The following SLC13A1 variants were observed in gnomAD, a reference collection of about 807,000 sequenced individuals.
SLC13A1 encodes the protein solute carrier family 13 member 1.
A neutral mutation model predicts 70.0 loss-of-function variants in SLC13A1; 65 were observed. The observed-to-expected ratio is 0.93, with a 90% CI of 0.76 to 1.14. SLC13A1 has a LOEUF of 1.14. Ranked by LOEUF, SLC13A1 falls within the 50% of genes most tolerant of loss-of-function variation. The pLI is 0.00. For missense variants in SLC13A1, 726 were observed against 717.8 expected, an observed-to-expected ratio of 1.01 and a Z score of -0.13; for synonymous variants, 275 against 250.5, an observed-to-expected ratio of 1.10 and a Z score of -0.92.
At chr7:123,192,136 T>C (rs988338755) in intron 1 of SLC13A1, among the ~76,000 whole-genome samples, 14 of 152,158 alleles carry the variant, frequency 9.2e-5, no homozygotes, top group African/African-American at 2.7e-4. Flanking sequence ...CCTGCAGCCC[T>C]CATCTCTCTT....
In SLC13A1 at chr7:123,129,434, T is replaced by C; in HGVS notation, c.980A>G (p.Lys327Arg). 1 of 1,611,672 alleles carries C rather than the reference T, an allele frequency of 6.2e-7. No homozygotes were observed. ...KCGKTKTVQQ[K>R]ACAEVIKQEY... The stretch of plus-strand genomic sequence containing the variant: ...TTGCTTAATCACCTCAGCACAAGCT[T>C]TTTGTTGGACTGTTTTGGTTTTGCC... The change falls in exon 9 of 15, where the codon AAA (lysine) becomes AGA (arginine). Residue 327 changes from lysine (K) to arginine (R), a missense_variant. Transcript: ENST00000194130.
intron 14 of SLC13A1, among the ~76,000 whole-genome samples, chr7:123,116,228 A>G (rs1176672243): frequency 1.3e-5 from 2 of 152,168 alleles, no homozygotes; most frequent in Non-Finnish European, 2.9e-5. Flanking sequence ...CTCTTATATC[A>G]TTATTCTACA....
chr7:123,175,178 T>C (rs994010254), intron 2 of SLC13A1, among the ~76,000 whole-genome samples: 2 of 151,970 alleles, frequency 1.3e-5, no homozygotes, highest in African/African-American at 4.8e-5. Flanking sequence ...TTACAAGCTA[T>C]TAGATGAGAA....
chr7:123,117,138 T>A (rs1210851966), intron 14 of SLC13A1, among the ~76,000 whole-genome samples: 1 of 152,166 alleles, frequency 6.6e-6, no homozygotes, highest in Non-Finnish European at 1.5e-5. Flanking sequence ...CCCTATTTTT[T>A]CCTTTTGCCT....
intron 7 of SLC13A1, among the ~76,000 whole-genome samples, chr7:123,145,331 C>T (rs980072484): frequency 3.3e-5 from 5 of 152,118 alleles, no homozygotes; most frequent in African/African-American, 4.8e-5. Flanking sequence ...TAAGTCCAAA[C>T]TCTGCCGTGT....
At chr7:123,197,597 A>G (rs1796227027) in intron 1 of SLC13A1, among the ~76,000 whole-genome samples, 1 of 152,130 alleles carries the variant, frequency 6.6e-6, no homozygotes, top group Non-Finnish European at 1.5e-5. Context: ...ATATGTTTAA[A>G]GTGGCCAAAA....
intron 12 of SLC13A1, among the ~76,000 whole-genome samples, chr7:123,119,930 C>T (rs1793318393): frequency 1.3e-5 from 2 of 152,100 alleles, no homozygotes; most frequent in Admixed American, 6.6e-5. Flanking sequence ...ACTCTCCCTT[C>T]CCCACAAGGA....
chr7:123,147,236 G>A lies in SLC13A1; in HGVS notation c.735C>T (p.Ala245=), dbSNP rs1353347252. The part of the protein sequence containing the change: ...VTRKLTCLCI[A]YSSTIGGLTT... Reference sequence around the variant, plus strand: ...TCAGTCCACCAATGGTAGAAGAGTAGGCAATGCACAAACACGTAAGTTTAC... The same window carrying A: ...TCAGTCCACCAATGGTAGAAGAGTAAGCAATGCACAAACACGTAAGTTTAC... The change falls in exon 7 of 15, where the codon GCC becomes GCT. Residue 245 remains alanine (A), a synonymous_variant. Transcript: ENST00000194130. The A allele has an allele frequency of 1.2e-6, 2 of 1,613,690 alleles. No homozygotes were observed. Among genetic ancestry groups the A allele is most frequent in the Non-Finnish European group, 1.7e-6 (2 of 1,179,810 alleles).
chr7:123,140,094 A>G (rs747606722), intron 7 of SLC13A1, among the ~76,000 whole-genome samples: 22 of 151,810 alleles, frequency 1.4e-4, no homozygotes, highest in Non-Finnish European at 2.5e-4. Flanking sequence ...AAAAATTGTT[A>G]AGGTATTTTC....
intron 1 of SLC13A1, among the ~76,000 whole-genome samples, chr7:123,188,912 G>C (rs537628280): frequency 6.6e-6 from 1 of 151,282 alleles, no homozygotes; most frequent in Non-Finnish European, 1.5e-5. Flanking sequence ...TCAGGAGATC[G>C]AGACCATCCC....
At chr7:123,168,731 T>C (rs757712424) in intron 4 of SLC13A1, among the ~76,000 whole-genome samples, 170 bp from the exon 5 acceptor site, 1 of 152,170 alleles carries the variant, frequency 6.6e-6, no homozygotes, top group Non-Finnish European at 1.5e-5. Flanking sequence ...CTCCCAACAC[T>C]TTTTCACTGC....
At chr7:123,116,957 A>G (rs1793199394) in intron 14 of SLC13A1, among the ~76,000 whole-genome samples, 1 of 152,162 alleles carries the variant, frequency 6.6e-6, no homozygotes, top group Non-Finnish European at 1.5e-5. Flanking sequence ...TGAAATTCTT[A>G]CTTATTGTTT....
intron 3 of SLC13A1, among the ~76,000 whole-genome samples, chr7:123,170,542 A>C (rs1463523879): frequency 6.6e-6 from 1 of 152,178 alleles, no homozygotes; most frequent in Non-Finnish European, 1.5e-5. Context: ...GGTCAGGAAA[A>C]AGAGATACAT....
rs1390494384 is a variant in SLC13A1, at chr7:123,125,620, A to G, written c.1189T>C (p.Phe397Leu). The change falls in exon 11 of 15, where the codon TTT becomes CTT. Residue 397 changes from phenylalanine (F) to leucine (L), a missense_variant. By Grantham distance (22) the Phe-to-Leu change is conservative. Coordinates refer to ENST00000194130, the MANE Select transcript of SLC13A1 (RefSeq NM_022444.4). ...GTCAGTGTCTTAGCTGGGATAAGAAAGAATAGCAGCCCTATAAGTAAAGCA... is the reference window on the plus strand; with the variant it reads ...GTCAGTGTCTTAGCTGGGATAAGAAGGAATAGCAGCCCTATAAGTAAAGCA... ...TVALLIGLLF[F>L]LIPAKTLTKT... is the part of the protein sequence containing the mutation. The G allele has an allele frequency of 1.2e-6, 2 of 1,613,552 alleles. No individual in the cohort carries two copies. Among genetic ancestry groups the G allele is most frequent in the African/African-American group, 1.3e-5 (1 of 75,012 alleles).
At chr7:123,197,528 G>T (rs1215756724) in intron 1 of SLC13A1, among the ~76,000 whole-genome samples, 3 of 152,008 alleles carry the variant, frequency 2.0e-5, no homozygotes, top group Non-Finnish European at 4.4e-5. Context: ...TGCTTTCATT[G>T]TAAGCAAGTT....
intron 8 of SLC13A1, among the ~76,000 whole-genome samples, chr7:123,133,064 ATGT>A (rs1270840900): frequency 1.3e-5 from 2 of 151,870 alleles, no homozygotes; most frequent in Non-Finnish European, 2.9e-5. Flanking sequence ...TTTGACTTCT[ATGT>A]GTTCAACTTA....
rs569242933 is a variant in SLC13A1 at position 123,142,994 on chromosome 7, T to A, written c.812+4165A>T. 9.2e-5 allele frequency among the ~76,000 whole-genome samples: 14 copies of A among 152,190 alleles called. No individual in the cohort carries two copies. The East Asian group carries it at 2.7e-3, about 30-fold the overall frequency. ...TTCTTCAGAACAACAGATTTCATTC[T>A]GGCCCAGGGTGTGTCTAGAAATGTC... is the stretch of plus-strand genomic sequence containing the variant. On this transcript the variant is annotated intron_variant, in intron 7 of 14. Transcript: ENST00000194130.
rs1319514246 is a variant in SLC13A1 at position 123,129,432 on chromosome 7, C to G, written c.982G>C (p.Ala328Pro). The G allele has an allele frequency of 6.2e-7, 1 of 1,610,082 alleles. No homozygotes were observed. ...CGKTKTVQQK[A>P]CAEVIKQEYQ... ...TCTTGCTTAATCACCTCAGCACAAG[C>G]TTTTTGTTGGACTGTTTTGGTTTTG... Residue 328 changes from alanine (A) to proline (P), a missense_variant, in exon 9 of 15, where the codon GCT (alanine) becomes CCT (proline). Physicochemically the swap from Ala to Pro is conservative, Grantham distance 27. Coordinates refer to ENST00000194130, the MANE Select transcript of SLC13A1 (RefSeq NM_022444.4).
At chr7:123,115,748 T>A in intron 14 of SLC13A1, 93 bp from the exon 15 acceptor site, 1 of 1,261,696 alleles carries the variant, frequency 7.9e-7, no homozygotes, top group East Asian at 2.4e-5. Flanking sequence ...CAAATTTACA[T>A]GCATCCTAAA....
Sources: allele counts gnomAD v4.1 joint callset (sites outside exome capture counted in the v4.1 genomes callset), GRCh38; gene constraint gnomAD v4.1.1; transcripts MANE v1.5; gene names NCBI Gene and HGNC (gene_info 2026-07-23, HGNC 2026-07-21).